Variants in HMCN1 observed in about 807,000 individuals in gnomAD.
HMCN1 encodes hemicentin 1, also known as hemicentin-1.
Under a neutral mutation model 625.9 loss-of-function variants are expected in HMCN1, and 321 were observed. That is an observed-to-expected ratio of 0.51 (90% CI 0.47 to 0.56). The LOEUF is 0.56. Among genes scored for constraint, HMCN1 ranks in the 20% least tolerant of loss-of-function variants. HMCN1 has a pLI of 0.00. For synonymous variants in HMCN1, 2,425 were observed against 2,417.6 expected (o/e 1.00, Z -0.09); for missense variants, 6,588 against 6,887.3 (o/e 0.96, Z 1.54).
rs1043399041 is a variant in HMCN1, at chr1:186,152,524, C to A, written c.14897-226C>A. ...ATTTAAAGTATGAAATTCGTGTAACCGTTTGCCACATTTTTGCTACATAAA... is the reference window on the plus strand; with the variant it reads ...ATTTAAAGTATGAAATTCGTGTAACAGTTTGCCACATTTTTGCTACATAAA... On this transcript the variant is annotated intron_variant, in intron 95 of 106. Coordinates refer to ENST00000271588, the MANE Select transcript of HMCN1 (RefSeq NM_031935.3). 4.6e-5 allele frequency among the ~76,000 whole-genome samples: 7 copies of A among 152,176 alleles called. No individual in the cohort carries two copies. In the East Asian group the frequency reaches 1.4e-3, roughly 29 times the overall value.
chr1:185,887,347 T>A (rs952061211), intron 4 of HMCN1, among the ~76,000 whole-genome samples: 2 of 152,026 alleles, frequency 1.3e-5, no homozygotes, highest in African/African-American at 4.8e-5. Context: ...AGGGTACATG[T>A]GCACATTGTG....
intron 24 of HMCN1, 109 bp from the exon 25 acceptor site, chr1:185,997,320 A>G: frequency 1.3e-6 from 1 of 744,644 alleles, no homozygotes; most frequent in Non-Finnish European, 2.4e-6. Context: ...TATTTAAAAG[A>G]AGAATCAGCA....
intron 36 of HMCN1, among the ~76,000 whole-genome samples, chr1:186,037,386 ATTAC>A (rs947824950): frequency 7.9e-5 from 12 of 152,318 alleles, no homozygotes; most frequent in Non-Finnish European, 1.2e-4. Flanking sequence ...ATTATCAGTA[ATTAC>A]TTAAAGTTGA....
chr1:185,929,419 A>T (rs77633277), intron 10 of HMCN1, among the ~76,000 whole-genome samples: 3,174 of 152,256 alleles, frequency 0.021, 112 homozygotes, highest in African/African-American at 0.072. Context: ...TCAGGGGAAA[A>T]AAGACTACCA....
chr1:186,087,541 C>T lies in HMCN1; in HGVS notation c.9259C>T (p.Pro3087Ser). 6.2e-7 allele frequency: 1 copy of T among 1,613,160 alleles called. No individual in the cohort carries two copies. Residue 3087 changes from proline to serine, a missense_variant, in exon 60 of 107, where the codon CCA (proline) becomes TCA (serine). Around this residue, in one of 3 missense-constraint regions of HMCN1, gnomAD observed 4,628 missense variants for 4,853.1 expected, o/e 0.95. Coordinates refer to ENST00000271588, the MANE Select transcript of HMCN1 (RefSeq NM_031935.3). ...VSLECESNAV[P>S]PPVITWYKNG... is the part of the protein sequence containing the mutation. ...TTTGGAGTGTGAGTCGAACGCTGTG[C>T]CACCTCCAGTCATCACTTGGTATAA...
At chr1:185,800,707 A>C (rs1436154460) in intron 1 of HMCN1, among the ~76,000 whole-genome samples, 1 of 152,108 alleles carries the variant, frequency 6.6e-6, no homozygotes, top group Non-Finnish European at 1.5e-5. Context: ...ATTTGAATTA[A>C]CCATACCCAA....
intron 105 of HMCN1, among the ~76,000 whole-genome samples, chr1:186,182,618 T>C (rs1383848701): frequency 1.3e-5 from 2 of 152,168 alleles, no homozygotes; most frequent in East Asian, 3.8e-4. Context: ...AAGTGAAAAA[T>C]GAGAAGGTTA....
intron 1 of HMCN1, among the ~76,000 whole-genome samples, chr1:185,764,462 A>G (rs1393547333): frequency 6.6e-6 from 1 of 152,054 alleles, no homozygotes; most frequent in South Asian, 2.1e-4. Flanking sequence ...TATTGTTCTG[A>G]CCCATATTGA....
Position 186,136,887 on chromosome 1 carries a change from C to T in HMCN1, c.13532C>T (p.Ala4511Val), listed in dbSNP as rs1230862781. Residue 4511 changes from alanine to valine, a missense_variant, in exon 87 of 107, where the codon GCT (alanine) becomes GTT (valine). Transcript: ENST00000271588. ...GATACCTCTGAATTTGAATGTGTTG[C>T]TCGAAACTTAATGGGTTCTGTCCTT... ...KEDTSEFECV[A>V]RNLMGSVLVR... The T allele has an allele frequency of 6.2e-7, 1 of 1,613,932 alleles. No homozygotes were observed.
At chr1:185,866,749 A>C (rs1014383079) in intron 4 of HMCN1, among the ~76,000 whole-genome samples, 1 of 151,544 alleles carries the variant, frequency 6.6e-6, no homozygotes, top group African/African-American at 2.4e-5. Context: ...CCTTGGCCTC[A>C]CTCATAATGA....
intron 18 of HMCN1, among the ~76,000 whole-genome samples, chr1:185,983,013 A>C (rs1311457295): frequency 6.6e-6 from 1 of 152,052 alleles, no homozygotes; most frequent in Non-Finnish European, 1.5e-5. Flanking sequence ...GTACTTAAAT[A>C]TTTTTGTGCT....
chr1:186,058,273 C>G (rs1362416904), intron 46 of HMCN1, among the ~76,000 whole-genome samples: 1 of 151,898 alleles, frequency 6.6e-6, no homozygotes, highest in Non-Finnish European at 1.5e-5. Flanking sequence ...GAAAAGATGT[C>G]TGAATTGTGT....
At chr1:186,101,729 G>C (rs1032569360) in intron 68 of HMCN1, among the ~76,000 whole-genome samples, 5 of 152,020 alleles carry the variant, frequency 3.3e-5, no homozygotes, top group African/African-American at 1.2e-4. Flanking sequence ...AAACTTTGGG[G>C]TGGGGGCAGT....
intron 36 of HMCN1, among the ~76,000 whole-genome samples, chr1:186,029,142 CT>C (rs1379881088): frequency 6.6e-6 from 1 of 151,380 alleles, no homozygotes; most frequent in Non-Finnish European, 1.5e-5. Flanking sequence ...TAATAGAAGT[CT>C]TTCAGAAAAA....
intron 1 of HMCN1, among the ~76,000 whole-genome samples, chr1:185,749,041 T>G (rs901126201): frequency 6.6e-5 from 10 of 152,158 alleles, no homozygotes; most frequent in African/African-American, 2.4e-4. Flanking sequence ...AGGGCTTTAT[T>G]TGTAGCATTT....
chr1:185,852,584 A>G, intron 2 of HMCN1, among the ~76,000 whole-genome samples: 1 of 85,290 alleles, frequency 1.2e-5, no homozygotes, highest in Admixed American at 1.0e-4. Flanking sequence ...TCCTACACAC[A>G]CACACACACA....
At chr1:185,852,217 T>A (rs552722875) in intron 2 of HMCN1, among the ~76,000 whole-genome samples, 2 of 152,082 alleles carry the variant, frequency 1.3e-5, no homozygotes, top group South Asian at 2.1e-4. Flanking sequence ...AAGATAATGA[T>A]GATTTTAGAA....
chr1:185,909,021 T>C (rs1666261327), intron 4 of HMCN1, among the ~76,000 whole-genome samples: 1 of 151,962 alleles, frequency 6.6e-6, no homozygotes, highest in South Asian at 2.1e-4. Context: ...TAAGTTCTTA[T>C]CTCTTGAGAC....
At chr1:185,858,917 T>C (rs1399505390) in intron 2 of HMCN1, among the ~76,000 whole-genome samples, 1 of 152,042 alleles carries the variant, frequency 6.6e-6, no homozygotes, top group Non-Finnish European at 1.5e-5. Flanking sequence ...ATTTTAGCAA[T>C]GCTTCTGCAG....
Sources: gnomAD v4.1 joint callset for allele counts (sites outside exome capture counted in the v4.1 genomes callset) on GRCh38, gnomAD v4.1.1 for gene constraint, gnomAD v4.1.1 regional missense constraint, MANE v1.5 for transcripts, NCBI Gene and HGNC (gene_info 2026-07-23, HGNC 2026-07-21) for gene names.